The following SPDYE3 variants were observed in gnomAD, a reference collection of about 807,000 sequenced individuals.
The protein encoded by SPDYE3 is speedy protein E3.
A neutral mutation model predicts 55.0 loss-of-function variants in SPDYE3; 15 were observed. That is an observed-to-expected ratio of 0.27 (90% CI 0.18 to 0.42). The LOEUF is 0.42. Ranked by LOEUF, SPDYE3 falls within the 10% of genes least tolerant of loss-of-function variation. The pLI, the probability that SPDYE3 is intolerant of heterozygous loss-of-function variation, is 1.00. For synonymous variants in SPDYE3, 89 were observed against 229.9 expected (o/e 0.39, Z 5.55); for missense variants, 236 against 576.7 (o/e 0.41, Z 6.05).
intron 8 of SPDYE3, among the ~76,000 whole-genome samples, chr7:100,317,996 A>AG (rs1806149693): frequency 6.7e-6 from 1 of 149,408 alleles, no homozygotes; most frequent in African/African-American, 2.5e-5. Context: ...AAAAAAAAAA[A>AG]GAACAAAAAA....
chr7:100,310,955 A>G (rs858630), intron 3 of SPDYE3, among the ~76,000 whole-genome samples: 337 of 10,500 alleles, frequency 0.032, no homozygotes, highest in Non-Finnish European at 0.044. Flanking sequence ...CAAAAGAAAA[A>G]CCAAGGCTGG....
chr7:100,315,771 C>G lies in SPDYE3; in HGVS notation c.1202-14C>G. 2 of 1,598,508 alleles carry G rather than the reference C, an allele frequency of 1.3e-6. No individual in the cohort carries two copies. The highest frequency in any genetic ancestry group is 1.7e-6 in the Non-Finnish European group (2 of 1,179,710). ...GTCCTGCTTCTCACGCTGACATCTG[C>G]TCTCTAATCACAGAGGATCCTGTCA... On this transcript the variant is annotated splice_polypyrimidine_tract_variant and intron_variant, in intron 6 of 10. Transcript: ENST00000332397.
intron 8 of SPDYE3, among the ~76,000 whole-genome samples, chr7:100,318,545 C>T (rs1259612385): frequency 6.6e-6 from 1 of 152,152 alleles, no homozygotes; most frequent in Admixed American, 6.6e-5. Flanking sequence ...GTCGGTTCAC[C>T]CCACAGCCTC....
rs1789586964 is a variant in SPDYE3 at position 100,321,858 on chromosome 7, T to G, written c.*1013T>G. 1 of 148,084 alleles carries G rather than the reference T, an allele frequency of 6.8e-6. No individual in the cohort carries two copies. The highest frequency in any genetic ancestry group is 2.4e-5 in the African/African-American group (1 of 40,902). 9.2% of individuals were successfully genotyped at this position (148,084 alleles called of 1,614,324 possible). A position where few individuals can be genotyped will look rare whatever the true frequency, so the allele number is the denominator to read the frequency against. The stretch of plus-strand genomic sequence containing the variant: ...TAAATATATTTATTTATTTAAATAT[T>G]TATTAAATATATTTATTTATTTAAA... On this transcript the variant is annotated 3_prime_UTR_variant, in exon 11 of 11. Coordinates refer to ENST00000332397, the MANE Select transcript of SPDYE3 (RefSeq NM_001004351.5).
rs768063243 is a variant in SPDYE3 at position 100,307,945 on chromosome 7, G to T, written c.60G>T (p.Gly20=). The change falls in exon 1 of 11, where the codon GGG becomes GGT. Residue 20 remains glycine (G), a synonymous_variant. Coordinates refer to ENST00000332397, the MANE Select transcript of SPDYE3 (RefSeq NM_001004351.5). ...AGAGCCCCCAGCGGAGCACCTCAGG[G>T]TACCCCCTCCAGGAGGTGGTGGATG... ...EEQSPQRSTS[G]YPLQEVVDDE... 3 of 1,577,246 alleles carry T rather than the reference G, an allele frequency of 1.9e-6. No individual in the cohort carries two copies. The highest frequency in any genetic ancestry group is 2.6e-6 in the Non-Finnish European group (3 of 1,170,184).
Position 100,319,650 on chromosome 7 carries a change from A to G in SPDYE3, c.1432A>G (p.Ile478Val). The G allele has an allele frequency of 6.2e-7, 1 of 1,614,182 alleles. No individual in the cohort carries two copies. The highest frequency in any genetic ancestry group is 8.5e-7 in the Non-Finnish European group (1 of 1,180,034). The change falls in exon 9 of 11, where the codon ATA becomes GTA. Residue 478 changes from isoleucine (I) to valine (V), a missense_variant. Transcript: ENST00000332397. ...YFLYGKTHSH[I>V]PLRPKHWFQL... Reference sequence around the variant, plus strand: ...CCTGTACGGGAAGACCCACTCTCACATACCCTTGCGCCCTAAGCATTGGTT... The same window carrying G: ...CCTGTACGGGAAGACCCACTCTCACGTACCCTTGCGCCCTAAGCATTGGTT...
chr7:100,308,607 G>C (rs1442923468), intron 1 of SPDYE3, among the ~76,000 whole-genome samples: 16 of 151,870 alleles, frequency 1.1e-4, no homozygotes, highest in African/African-American at 3.6e-4. Context: ...TACCTGAGAG[G>C]CTGAGGCAGG....
chr7:100,307,894 C>T lies in SPDYE3; in HGVS notation c.9C>T (p.Ser3=). ...AGATTTTGGGAAAGATCATGACGAGCCATCAACCGCAGCCCCAGGAAGAGC... is the reference window on the plus strand; with the variant it reads ...AGATTTTGGGAAAGATCATGACGAGTCATCAACCGCAGCCCCAGGAAGAGC... MT[S]HQPQPQEEQS... Residue 3 remains serine, a synonymous_variant, in exon 1 of 11, where the codon AGC becomes AGT. Coordinates refer to ENST00000332397, the MANE Select transcript of SPDYE3 (RefSeq NM_001004351.5). 1.3e-6 allele frequency: 2 copies of T among 1,583,766 alleles called. No individual in the cohort carries two copies. The highest frequency in any genetic ancestry group is 1.3e-5 in the African/African-American group (1 of 74,704).
At position 100,307,890 on chromosome 7, in the gene SPDYE3, C is replaced by G; in HGVS notation, c.5C>G (p.Thr2Arg). 1 of 1,582,912 alleles carries G rather than the reference C, an allele frequency of 6.3e-7. No individual in the cohort carries two copies. The highest frequency in any genetic ancestry group is 8.5e-7 in the Non-Finnish European group (1 of 1,172,908). The change falls in exon 1 of 11, where the codon ACG becomes AGG. Residue 2 changes from threonine to arginine, a missense_variant. By Grantham distance (71) the Thr-to-Arg change is moderately conservative. Transcript: ENST00000332397. M[T>R]SHQPQPQEEQ... is the part of the protein sequence containing the mutation. ...GGACAGATTTTGGGAAAGATCATGA[C>G]GAGCCATCAACCGCAGCCCCAGGAA...
At chr7:100,308,127 C>G (rs935283662) in intron 1 of SPDYE3, 136 bp downstream of exon 1, 48 of 1,180,300 alleles carry the variant, frequency 4.1e-5, no homozygotes, top group Non-Finnish European at 5.2e-5. Flanking sequence ...GTCAGCAGTT[C>G]AAGACCAGCC....
intron 8 of SPDYE3, among the ~76,000 whole-genome samples, chr7:100,318,652 A>G (rs1789502491): frequency 6.6e-6 from 1 of 151,596 alleles, no homozygotes; most frequent in African/African-American, 2.4e-5. Flanking sequence ...ATCTCCCCTG[A>G]TTACTCCCAG....
In SPDYE3 at chr7:100,320,961, A is replaced by G; in HGVS notation, c.*116A>G. 8.2e-7 allele frequency: 1 copy of G among 1,218,330 alleles called. No individual in the cohort carries two copies. The highest frequency in any genetic ancestry group is 1.1e-6 in the Non-Finnish European group (1 of 900,974). 75.5% of individuals were successfully genotyped at this position (1,218,330 alleles called of 1,614,324 possible). ...TCCAGTGCTAATGGCAGACATCAGG[A>G]AGGAGGAGAGGAGCCATTTGTGCAG... On this transcript the variant is annotated 3_prime_UTR_variant, in exon 11 of 11. Transcript: ENST00000332397.
intron 3 of SPDYE3, among the ~76,000 whole-genome samples, chr7:100,311,403 TGGAATCCG>T (rs1805952093): frequency 7.9e-6 from 1 of 126,144 alleles, no homozygotes; most frequent in Non-Finnish European, 1.7e-5. Context: ...GGAGAATAAC[TGGAATCCG>T]GGAGATAGAT....
At chr7:100,318,574 C>T (rs1789497562) in intron 8 of SPDYE3, among the ~76,000 whole-genome samples, 2 of 152,186 alleles carry the variant, frequency 1.3e-5, no homozygotes, top group Admixed American at 6.6e-5. Flanking sequence ...CTTCCCTCAT[C>T]TTCCAACTTC....
intron 7 of SPDYE3, among the ~76,000 whole-genome samples, chr7:100,316,046 A>G (rs1412288019): frequency 6.6e-6 from 1 of 151,770 alleles, no homozygotes; most frequent in Non-Finnish European, 1.5e-5. Flanking sequence ...ATCTTGACTC[A>G]CTGCAGCTGA....
intron 1 of SPDYE3, among the ~76,000 whole-genome samples, chr7:100,308,538 G>A (rs1432249340): frequency 1.3e-5 from 2 of 151,604 alleles, no homozygotes; most frequent in East Asian, 1.9e-4. Flanking sequence ...GCGAAACCCC[G>A]TCTCTACTAA....
At position 100,320,809 on chromosome 7, in the gene SPDYE3, T is replaced by C. The variant is rs565661954; in HGVS notation, c.*46-82T>C. 2.8e-5 allele frequency: 31 copies of C among 1,095,718 alleles called. 1 individual carries two copies. The South Asian group carries it at 4.4e-4, about 16-fold the overall frequency. 67.9% of individuals were successfully genotyped at this position (1,095,718 alleles called of 1,614,324 possible). ...CTTCTCAATTGCTCTGAACTCTAGCTAGACTTGACATGGGACGTGAATAAC... is the reference window on the plus strand; with the variant it reads ...CTTCTCAATTGCTCTGAACTCTAGCCAGACTTGACATGGGACGTGAATAAC... On this transcript the variant is annotated intron_variant, in intron 10 of 10. Coordinates refer to ENST00000332397, the MANE Select transcript of SPDYE3 (RefSeq NM_001004351.5).
chr7:100,316,740 C>T (rs1173596301), intron 7 of SPDYE3, among the ~76,000 whole-genome samples: 2 of 152,120 alleles, frequency 1.3e-5, no homozygotes, highest in Non-Finnish European at 2.9e-5. Context: ...CTCCTGGGCC[C>T]TCTACTCTCA....
chr7:100,321,867 ATATT>A lies in SPDYE3; in HGVS notation c.*1033_*1036del, dbSNP rs374646753. ...TTATTTATTTAAATATTTATTAAAT[ATATT>A]TATTTATTTAAATGTTATTACTTTA... On this transcript the variant is annotated 3_prime_UTR_variant, in exon 11 of 11. Coordinates refer to ENST00000332397, the MANE Select transcript of SPDYE3 (RefSeq NM_001004351.5). The A allele has an allele frequency of 1.7e-3, 251 of 147,764 alleles. 1 individual carries two copies. The East Asian group carries it at 0.031, about 18-fold the overall frequency. The allele number at this position is 147,764 out of a possible 1,614,324, so 9.2% of individuals were successfully genotyped here. A position where few individuals can be genotyped will look rare whatever the true frequency, so the allele number is the denominator to read the frequency against.
Sources: allele counts gnomAD v4.1 joint callset (sites outside exome capture counted in the v4.1 genomes callset), GRCh38; gene constraint gnomAD v4.1.1; transcripts MANE v1.5; gene names NCBI Gene and HGNC (gene_info 2026-07-23, HGNC 2026-07-21).